Variants in PARN observed in about 807,000 individuals in gnomAD.
PARN encodes poly(A)-specific ribonuclease PARN.
PARN carries 71 observed loss-of-function variants against 102.8 expected under a neutral mutation model. The ratio of observed to expected loss-of-function variants is 0.69; its 90% CI spans 0.57 to 0.84. PARN has a LOEUF of 0.84. PARN is among the 40% of genes least tolerant of loss of function. The pLI is 0.00. For synonymous variants in PARN, 261 were observed against 252.9 expected, an observed-to-expected ratio of 1.03 and a Z score of -0.30; for missense variants, 782 against 760.9, an observed-to-expected ratio of 1.03 and a Z score of -0.33.
At chr16:14,587,371 T>G (rs1292363318) in intron 13 of PARN, among the ~76,000 whole-genome samples, 1 of 152,218 alleles carries the variant, frequency 6.6e-6, no homozygotes, top group East Asian at 1.9e-4. Context: ...TCTAGACCAA[T>G]GTCTTCTAAA....
At chr16:14,465,474 A>AT (rs1251837626) in intron 22 of PARN, among the ~76,000 whole-genome samples, 2 of 152,242 alleles carry the variant, frequency 1.3e-5, no homozygotes, top group Non-Finnish European at 2.9e-5. Context: ...TATAAATGTT[A>AT]TTAACACTAA....
chr16:14,605,472 C>T (rs1054857431), intron 10 of PARN, among the ~76,000 whole-genome samples: 3 of 152,146 alleles, frequency 2.0e-5, no homozygotes, highest in Admixed American at 6.6e-5. Context: ...ACATTGACTT[C>T]TGAAGAGTTT....
chr16:14,528,338 C>T (rs1966121444), intron 21 of PARN, among the ~76,000 whole-genome samples: 1 of 152,152 alleles, frequency 6.6e-6, no homozygotes, highest in Admixed American at 6.5e-5. Context: ...AGAACGGCAA[C>T]CCAACTGTAG....
chr16:14,560,365 A>G (rs1481081238), intron 18 of PARN, among the ~76,000 whole-genome samples: 1 of 152,248 alleles, frequency 6.6e-6, no homozygotes, highest in Non-Finnish European at 1.5e-5. Context: ...AACACGGTAA[A>G]GACCCTCAAG....
At chr16:14,627,388 G>A (rs868833859) in intron 3 of PARN, 52 bp from the exon 4 acceptor site, 2 of 1,300,790 alleles carry the variant, frequency 1.5e-6, no homozygotes, top group Middle Eastern at 1.8e-4. Context: ...TATTCCATGT[G>A]AGCATAGCAT....
In PARN at chr16:14,570,321, CAAAAAAAAAAAA is replaced by C. The variant is rs59965954; in HGVS notation, c.1262+10541_1262+10552del. Among the ~76,000 whole-genome samples the C allele has an allele frequency of 1.3e-3, 84 of 63,068 alleles. No homozygotes were observed. The South Asian group carries it at 0.054, about 41-fold the overall frequency. 41.4% of individuals were successfully genotyped at this position (63,068 alleles called of 152,430 possible). On this transcript the variant is annotated intron_variant, in intron 18 of 23. Coordinates refer to ENST00000437198, the MANE Select transcript of PARN (RefSeq NM_002582.4). ...TAGGTGGCAGAGCGAGACTCTGTCTCAAAAAAAAAAAAAAAAAAAAAAAAAAAGAAAAGAAAA... is the reference window on the plus strand; with the variant it reads ...TAGGTGGCAGAGCGAGACTCTGTCTCAAAAAAAAAAAAAAAGAAAAGAAAA...
chr16:14,558,817 C>T (rs1825959475), intron 18 of PARN, among the ~76,000 whole-genome samples: 1 of 152,032 alleles, frequency 6.6e-6, no homozygotes, highest in African/African-American at 2.4e-5. Context: ...AATACCCTCC[C>T]CTCTCCCACC....
chr16:14,511,947 C>G (rs900787302), intron 21 of PARN, among the ~76,000 whole-genome samples: 2 of 152,096 alleles, frequency 1.3e-5, no homozygotes, highest in Non-Finnish European at 2.9e-5. Flanking sequence ...TCTCAGCCTC[C>G]CAAAGCACTG....
chr16:14,625,185 A>C, intron 5 of PARN, among the ~76,000 whole-genome samples: 1 of 151,812 alleles, frequency 6.6e-6, no homozygotes, highest in Non-Finnish European at 1.5e-5. Context: ...CTTTTCCCTC[A>C]ATGAAAATTT....
intron 21 of PARN, among the ~76,000 whole-genome samples, chr16:14,485,630 C>G (rs1323418088): frequency 6.6e-6 from 1 of 151,848 alleles, no homozygotes; most frequent in African/African-American, 2.4e-5. Context: ...AATGAGCATT[C>G]TCCTGGATTT....
chr16:14,510,511 C>T (rs1965130247), intron 21 of PARN, among the ~76,000 whole-genome samples: 1 of 151,808 alleles, frequency 6.6e-6, no homozygotes, highest in Non-Finnish European at 1.5e-5. Context: ...TTGTTTAATC[C>T]ACAAGTATGG....
intron 21 of PARN, among the ~76,000 whole-genome samples, chr16:14,503,424 A>T (rs576332076): frequency 7.3e-5 from 11 of 151,400 alleles, no homozygotes; most frequent in Admixed American, 7.2e-4. Flanking sequence ...AAACGCACGT[A>T]TCATGAATAT....
intron 23 of PARN, among the ~76,000 whole-genome samples, chr16:14,443,574 G>A (rs1224033586): frequency 6.6e-6 from 1 of 152,222 alleles, no homozygotes; most frequent in South Asian, 2.1e-4. Context: ...CTTGACCTCA[G>A]GTGATCTGCC....
chr16:14,581,121 C>T (rs752047199), intron 17 of PARN, among the ~76,000 whole-genome samples, 178 bp from the exon 18 acceptor site: 3 of 151,996 alleles, frequency 2.0e-5, no homozygotes, highest in Non-Finnish European at 4.4e-5. Flanking sequence ...GGCGCAATCT[C>T]GGTTCACTGA....
In PARN at chr16:14,582,311, AG is replaced by A; in HGVS notation, c.1082-21del. 6.5e-6 allele frequency: 10 copies of A among 1,542,582 alleles called. No homozygotes were observed. Among genetic ancestry groups the A allele is most frequent in the Non-Finnish European group, 9.0e-6 (10 of 1,114,920 alleles). ...CACTTTCTAAGAAAAAAAAGGAAAA[AG>A]TTTTCCTCAAAACAAAGACTAGTAA... On this transcript the variant is annotated intron_variant, in intron 16 of 23. Coordinates refer to ENST00000437198, the MANE Select transcript of PARN (RefSeq NM_002582.4).
chr16:14,624,728 G>A (rs1277767669), intron 5 of PARN, among the ~76,000 whole-genome samples: 6 of 152,108 alleles, frequency 3.9e-5, no homozygotes, highest in Non-Finnish European at 7.3e-5. Context: ...AGACCAGCCC[G>A]ACCGACATGG....
At chr16:14,443,610 A>G (rs772866499) in intron 23 of PARN, among the ~76,000 whole-genome samples, 1 of 152,158 alleles carries the variant, frequency 6.6e-6, no homozygotes, top group Non-Finnish European at 1.5e-5. Context: ...AAGTGCTGGG[A>G]TTATAGGCAT....
At chr16:14,589,135 G>A (rs554133425) in intron 13 of PARN, among the ~76,000 whole-genome samples, 3 of 149,806 alleles carry the variant, frequency 2.0e-5, no homozygotes, top group East Asian at 2.0e-4. Context: ...AGTCAAGATC[G>A]CACCACTGCA....
chr16:14,487,811 T>C (rs1963801623), intron 21 of PARN, among the ~76,000 whole-genome samples: 2 of 152,220 alleles, frequency 1.3e-5, no homozygotes, highest in African/African-American at 4.8e-5. Flanking sequence ...TATATCCTGA[T>C]TGCAGTGCTG....
Sources: gnomAD v4.1 joint callset for allele counts (sites outside exome capture counted in the v4.1 genomes callset) on GRCh38, gnomAD v4.1.1 for gene constraint, MANE v1.5 for transcripts, NCBI Gene and HGNC (gene_info 2026-07-23, HGNC 2026-07-21) for gene names.